Variants in SGCZ observed in about 807,000 individuals in gnomAD.
SGCZ encodes zeta-sarcoglycan.
SGCZ carries 40 observed loss-of-function variants against 41.3 expected under a neutral mutation model. The ratio of observed to expected loss-of-function variants is 0.97; its 90% CI spans 0.75 to 1.26. The LOEUF (loss-of-function observed/expected upper bound fraction) is 1.26. SGCZ is among the 50% of genes most tolerant of loss of function. The pLI is 0.00. For synonymous variants in SGCZ, 206 were observed against 137.5 expected (o/e 1.50, Z -3.49); for missense variants, 552 against 369.8 (o/e 1.49, Z -4.04).
chr8:14,240,504 T>A (rs1798843006), intron 3 of SGCZ, among the ~76,000 whole-genome samples: 1 of 151,796 alleles, frequency 6.6e-6, no homozygotes, highest in African/African-American at 2.4e-5. Context: ...TTTGTCAGAA[T>A]TAAAATTTTA....
At chr8:14,633,067 C>G (rs1235337565) in intron 1 of SGCZ, among the ~76,000 whole-genome samples, 1 of 151,872 alleles carries the variant, frequency 6.6e-6, no homozygotes, top group Non-Finnish European at 1.5e-5. Context: ...TCTATTTATA[C>G]CTGTCTTGTA....
At chr8:14,290,835 C>T (rs192808320) in intron 3 of SGCZ, among the ~76,000 whole-genome samples, 3 of 152,188 alleles carry the variant, frequency 2.0e-5, no homozygotes, top group Non-Finnish European at 4.4e-5. Context: ...CATACCACTA[C>T]TGCATATATT....
At chr8:15,042,300 T>C (rs1228158157) in intron 1 of SGCZ, among the ~76,000 whole-genome samples, 1 of 152,182 alleles carries the variant, frequency 6.6e-6, no homozygotes, top group Admixed American at 6.5e-5. Context: ...TTTGTGCTGA[T>C]GCCTCTCTTC....
At chr8:14,210,709 C>A (rs942347783) in intron 4 of SGCZ, among the ~76,000 whole-genome samples, 1 of 151,940 alleles carries the variant, frequency 6.6e-6, no homozygotes, top group Non-Finnish European at 1.5e-5. Flanking sequence ...TCAGGTGATC[C>A]GCTTGCCTCG....
chr8:14,559,485 A>C (rs1804142043), intron 1 of SGCZ, among the ~76,000 whole-genome samples: 1 of 152,166 alleles, frequency 6.6e-6, no homozygotes, highest in African/African-American at 2.4e-5. Flanking sequence ...ATTATAGATG[A>C]CACAAACAAA....
intron 1 of SGCZ, among the ~76,000 whole-genome samples, chr8:14,691,813 A>T (rs191429019): frequency 5.9e-5 from 9 of 152,180 alleles, no homozygotes; most frequent in Non-Finnish European, 1.2e-4. Flanking sequence ...GTAATAAAAA[A>T]TCAAACTTAA....
intron 1 of SGCZ, among the ~76,000 whole-genome samples, chr8:14,664,611 G>A (rs1269158848): frequency 6.6e-6 from 1 of 152,094 alleles, no homozygotes; most frequent in East Asian, 1.9e-4. Context: ...ATTAAAAGCA[G>A]GATGTAACCA....
chr8:15,027,858 C>T (rs1348687733), intron 1 of SGCZ, among the ~76,000 whole-genome samples: 1 of 151,964 alleles, frequency 6.6e-6, no homozygotes, highest in African/African-American at 2.4e-5. Context: ...ATTTATTTAG[C>T]TCTTCCTCTG....
chr8:14,537,801 C>T (rs1280538031), intron 2 of SGCZ, among the ~76,000 whole-genome samples: 1 of 151,898 alleles, frequency 6.6e-6, no homozygotes, highest in Non-Finnish European at 1.5e-5. Context: ...CGCTAAAGAG[C>T]TGTTATACTT....
chr8:14,643,121 T>A (rs1358695999), intron 1 of SGCZ, among the ~76,000 whole-genome samples: 1 of 151,656 alleles, frequency 6.6e-6, no homozygotes, highest in Non-Finnish European at 1.5e-5. Context: ...TCCAAAAGAA[T>A]AAATTTTAAA....
At chr8:15,174,314 G>C (rs1799936244) in intron 1 of SGCZ, among the ~76,000 whole-genome samples, 1 of 152,064 alleles carries the variant, frequency 6.6e-6, no homozygotes, top group Non-Finnish European at 1.5e-5. Flanking sequence ...CAATTATTCT[G>C]TCAATTGACT....
intron 1 of SGCZ, among the ~76,000 whole-genome samples, chr8:15,110,733 C>A (rs565588347): frequency 1.7e-4 from 26 of 152,302 alleles, no homozygotes; most frequent in African/African-American, 5.1e-4. Flanking sequence ...CTTTGGGAAG[C>A]CAAGGCGGGC....
rs1801561741 is a variant in SGCZ at position 14,087,698 on chromosome 8, G to A, written c.*2745C>T. On this transcript the variant is annotated 3_prime_UTR_variant, in exon 8 of 8. Transcript: ENST00000382080. The stretch of plus-strand genomic sequence containing the variant: ...ATCTGTTAGGGTACTGTGCAATTAA[G>A]GGACCACTATATTTTTAAAAAAAAA... Among the ~76,000 whole-genome samples the A allele has an allele frequency of 6.9e-6, 1 of 145,544 alleles. No individual in the cohort carries two copies. The highest frequency in any genetic ancestry group is 2.7e-5 in the African/African-American group (1 of 37,444).
intron 2 of SGCZ, among the ~76,000 whole-genome samples, chr8:14,442,951 C>A (rs1800315784): frequency 6.6e-6 from 1 of 152,130 alleles, no homozygotes; most frequent in South Asian, 2.1e-4. Flanking sequence ...TGATAAGCAA[C>A]TTCAGCAAAG....
chr8:15,008,109 T>C (rs1198134654), intron 1 of SGCZ, among the ~76,000 whole-genome samples: 2 of 152,212 alleles, frequency 1.3e-5, no homozygotes, highest in African/African-American at 2.4e-5. Flanking sequence ...AGTCTTCTTA[T>C]CAAAATAATC....
At chr8:14,543,299 A>C (rs770294817) in intron 2 of SGCZ, among the ~76,000 whole-genome samples, 5 of 152,134 alleles carry the variant, frequency 3.3e-5, no homozygotes, top group Non-Finnish European at 5.9e-5. Context: ...TTGTTCAAAT[A>C]TTCTTTCTAA....
chr8:14,296,339 T>C (rs1025917130), intron 3 of SGCZ, among the ~76,000 whole-genome samples: 1 of 151,988 alleles, frequency 6.6e-6, no homozygotes, highest in African/African-American at 2.4e-5. Flanking sequence ...AAGCTGAGAG[T>C]TGCCAGCATA....
chr8:14,165,568 T>C (rs1019966024), intron 4 of SGCZ, among the ~76,000 whole-genome samples: 1 of 152,110 alleles, frequency 6.6e-6, no homozygotes, highest in Non-Finnish European at 1.5e-5. Context: ...CCAAATTTCT[T>C]TGGACATAAC....
At chr8:14,633,060 A>T (rs950191219) in intron 1 of SGCZ, among the ~76,000 whole-genome samples, 13 of 152,036 alleles carry the variant, frequency 8.6e-5, no homozygotes, top group Non-Finnish European at 1.6e-4. Flanking sequence ...TGAAATCTCT[A>T]TTTATACCTG....
Sources: allele counts gnomAD v4.1 joint callset (sites outside exome capture counted in the v4.1 genomes callset), GRCh38; gene constraint gnomAD v4.1.1; transcripts MANE v1.5; gene names NCBI Gene and HGNC (gene_info 2026-07-23, HGNC 2026-07-21).